EIF5B: variants seen among roughly 807,000 people sequenced by gnomAD.
The protein encoded by EIF5B is eIF-5B.
Under a neutral mutation model 147.5 loss-of-function variants are expected in EIF5B, and 47 were observed. That is an observed-to-expected ratio of 0.32 (90% CI 0.25 to 0.41). The LOEUF (loss-of-function observed/expected upper bound fraction) is 0.41. EIF5B is among the 10% of genes least tolerant of loss of function. The pLI is 1.00. For synonymous variants in EIF5B, 455 were observed against 456.2 expected, an observed-to-expected ratio of 1.00 and a Z score of 0.03; for missense variants, 1,064 against 1,413.2, an observed-to-expected ratio of 0.75 and a Z score of 3.96.
intron 14 of EIF5B, among the ~76,000 whole-genome samples, chr2:99,388,983 AT>A (rs1289331526): frequency 6.6e-6 from 1 of 152,196 alleles, no homozygotes; most frequent in African/African-American, 2.4e-5. Context: ...TGTTTTTATT[AT>A]TTAGCTTTAC....
intron 14 of EIF5B, among the ~76,000 whole-genome samples, chr2:99,383,131 G>A (rs938115630): frequency 1.3e-5 from 2 of 151,820 alleles, no homozygotes; most frequent in Admixed American, 1.3e-4. Flanking sequence ...CTTGCATCAA[G>A]CAAGAGTATT....
intron 1 of EIF5B, among the ~76,000 whole-genome samples, chr2:99,354,867 A>G (rs963110057): frequency 3.0e-5 from 4 of 135,536 alleles, no homozygotes; most frequent in African/African-American, 8.6e-5. Flanking sequence ...CAGTGGTGCT[A>G]TCTCAGCTCA....
Position 99,337,471 on chromosome 2 carries a change from G to A in EIF5B, c.-84G>A, listed in dbSNP as rs996578992. 6.5e-7 allele frequency: 1 copy of A among 1,546,904 alleles called. No homozygotes were observed. Among genetic ancestry groups the A allele is most frequent in the Non-Finnish European group, 8.8e-7 (1 of 1,138,112 alleles). Reference sequence around the variant, plus strand: ...GGCAGCACGAGGGGAAAAGAGCTGAGCGGAGACCAAAGTCAGCCGGGAGAC... The same window carrying A: ...GGCAGCACGAGGGGAAAAGAGCTGAACGGAGACCAAAGTCAGCCGGGAGAC... On this transcript the variant is annotated 5_prime_UTR_variant, in exon 1 of 24. Coordinates refer to ENST00000289371, the MANE Select transcript of EIF5B (RefSeq NM_015904.4).
At chr2:99,362,249 C>T (rs988470074) in intron 4 of EIF5B, among the ~76,000 whole-genome samples, 2 of 152,168 alleles carry the variant, frequency 1.3e-5, no homozygotes, top group African/African-American at 4.8e-5. Context: ...TTCTGCTTCA[C>T]TTAAAACTCA....
At chr2:99,348,220 G>A (rs1480390156) in intron 1 of EIF5B, among the ~76,000 whole-genome samples, 1 of 152,190 alleles carries the variant, frequency 6.6e-6, no homozygotes, top group Non-Finnish European at 1.5e-5. Context: ...TAATATAGTA[G>A]CAGTATGGTT....
intron 1 of EIF5B, 22 bp from the exon 2 acceptor site, chr2:99,360,214 G>T (rs571284174): frequency 6.4e-7 from 1 of 1,565,700 alleles, no homozygotes; most frequent in Non-Finnish European, 8.6e-7. Context: ...TAGCATTTAG[G>T]ATGTTTTTGT....
chr2:99,343,175 C>G (rs1009437416), intron 1 of EIF5B, among the ~76,000 whole-genome samples: 5 of 151,272 alleles, frequency 3.3e-5, no homozygotes, highest in Non-Finnish European at 7.4e-5. Context: ...AGGCTGGTCT[C>G]GAAATCCTCA....
At chr2:99,353,753 ATGT>A (rs899034824) in intron 1 of EIF5B, among the ~76,000 whole-genome samples, 3 of 152,192 alleles carry the variant, frequency 2.0e-5, no homozygotes, top group African/African-American at 7.2e-5. Context: ...TCTTTCAAAA[ATGT>A]TGTATTAATG....
chr2:99,397,885 AGAACCTCTTCCCAC>A (rs1231422186), intron 22 of EIF5B: 1 of 151,992 alleles, frequency 6.6e-6, no homozygotes, highest in East Asian at 1.9e-4. Context: ...TTTCTTACAA[AGAACCTCTTCCCAC>A]TGACCTTTTT....
Position 99,384,208 on chromosome 2 carries a change from G to A in EIF5B, c.2271+1287G>A, listed in dbSNP as rs1365917596. 2.6e-3 allele frequency among the ~76,000 whole-genome samples: 300 copies of A among 116,080 alleles called. 1 individual carries two copies. The highest frequency in any genetic ancestry group is 3.0e-3 in the Non-Finnish European group (169 of 56,158). The allele number at this position is 116,080 out of a possible 152,430, so 76.2% of individuals were successfully genotyped here. Reference sequence around the variant, plus strand: ...CGAGACTCCGTCTCAAAAAAAAAAAGAATTATGCCAAATCCATTGTGTGCT... The same window carrying A: ...CGAGACTCCGTCTCAAAAAAAAAAAAAATTATGCCAAATCCATTGTGTGCT... On this transcript the variant is annotated intron_variant, in intron 14 of 23. Transcript: ENST00000289371.
chr2:99,381,688 G>A (rs1441099455), intron 12 of EIF5B, among the ~76,000 whole-genome samples: 1 of 151,770 alleles, frequency 6.6e-6, no homozygotes, highest in East Asian at 1.9e-4. Flanking sequence ...AATACAACAG[G>A]GTATGCATTT....
chr2:99,389,539 A>G (rs533113349), intron 14 of EIF5B, 179 bp from the exon 15 acceptor site: 33 of 423,752 alleles, frequency 7.8e-5, no homozygotes, highest in African/African-American at 6.2e-4. Flanking sequence ...GCAGTTTCTA[A>G]TTTAAGAGCA....
Position 99,376,445 on chromosome 2 carries a change from G to A in EIF5B, c.1651G>A (p.Glu551Lys). The A allele has an allele frequency of 6.3e-7, 1 of 1,591,098 alleles. No homozygotes were observed. ...EEEDEESEEE[E>K]EEEGESEGSE... is the part of the protein sequence containing the mutation. The stretch of plus-strand genomic sequence containing the variant: ...AGAAGATGAAGAAAGTGAAGAAGAG[G>A]AGGAAGAGGAGGGAGAAAGTGAAGG... The change falls in exon 10 of 24, where the codon GAG becomes AAG. Residue 551 changes from glutamate (E) to lysine (K), a missense_variant. Transcript: ENST00000289371.
rs1411422507 is a variant in EIF5B at position 99,400,840 on chromosome 2, G to C, written c.*1426G>C. ...GGTCTGAGACCTCTCAGGAATTTCA[G>C]AGCTTAGCAGTCTGGCCTGGAGGTT... On this transcript the variant is annotated 3_prime_UTR_variant, in exon 24 of 24. Coordinates refer to ENST00000289371, the MANE Select transcript of EIF5B (RefSeq NM_015904.4). 3 of 154,396 alleles carry C rather than the reference G, an allele frequency of 1.9e-5. No homozygotes were observed. Among genetic ancestry groups the C allele is most frequent in the African/African-American group, 7.2e-5 (3 of 41,442 alleles). 9.6% of individuals were successfully genotyped at this position (154,396 alleles called of 1,614,324 possible).
chr2:99,337,728 G>A (rs1185016783), intron 1 of EIF5B, 139 bp downstream of exon 1: 1 of 1,158,104 alleles, frequency 8.6e-7, no homozygotes, highest in Non-Finnish European at 1.2e-6. Context: ...CAGAGTGTGC[G>A]GAGCGGGCCC....
intron 5 of EIF5B, 63 bp downstream of exon 5, chr2:99,363,925 AAT>A: frequency 1.3e-6 from 2 of 1,498,840 alleles, no homozygotes; most frequent in Non-Finnish European, 1.8e-6. Flanking sequence ...TTCTCTGTAA[AAT>A]ATCTTTACTC....
intron 22 of EIF5B, 144 bp from the exon 23 acceptor site, chr2:99,398,604 T>TA (rs1410306247): frequency 3.6e-6 from 3 of 823,012 alleles, no homozygotes; most frequent in South Asian, 2.0e-5. Flanking sequence ...ACCAAAATGT[T>TA]ACACCGTGAG....
rs186993327 is a variant in EIF5B, at chr2:99,394,424, A to G, written c.3012+26A>G. The G allele has an allele frequency of 2.5e-6, 4 of 1,613,618 alleles. No individual in the cohort carries two copies. In the Admixed American group the frequency reaches 5.0e-5, roughly 20 times the overall value. Reference sequence around the variant, plus strand: ...GTAAGTAACTACAACTCGCTCCACAAGTGAATGGTGGTTGGTCGTGGTTTT... The same window carrying G: ...GTAAGTAACTACAACTCGCTCCACAGGTGAATGGTGGTTGGTCGTGGTTTT... On this transcript the variant is annotated intron_variant, in intron 19 of 23. Transcript: ENST00000289371.
intron 15 of EIF5B, 81 bp from the exon 16 acceptor site, chr2:99,390,138 T>C: frequency 6.7e-7 from 1 of 1,497,022 alleles, no homozygotes; most frequent in Non-Finnish European, 9.2e-7. Context: ...AGCCATTTGC[T>C]CATCCGGCTT....
Sources: gnomAD v4.1 joint callset for allele counts (sites outside exome capture counted in the v4.1 genomes callset) on GRCh38, gnomAD v4.1.1 for gene constraint, MANE v1.5 for transcripts, NCBI Gene and HGNC (gene_info 2026-07-23, HGNC 2026-07-21) for gene names.